The following SLC12A7 variants were observed in gnomAD, a reference collection of about 807,000 sequenced individuals.
SLC12A7 encodes the protein solute carrier family 12 member 7, also known as K-Cl cotransporter 4.
Under a neutral mutation model 120.6 loss-of-function variants are expected in SLC12A7, and 100 were observed. The observed-to-expected ratio is 0.83, with a 90% CI of 0.71 to 0.98. SLC12A7 has a LOEUF of 0.98. Among genes scored for constraint, SLC12A7 ranks in the 50% least tolerant of loss-of-function variants. The pLI is 0.00. For missense variants in SLC12A7, 1,373 were observed against 1,548.1 expected (o/e 0.89, Z 1.90); for synonymous variants, 760 against 678.0 (o/e 1.12, Z -1.88).
the SLC12A7 span, among the ~76,000 whole-genome samples, chr5:1,121,913 G>T: frequency 3.3e-5 from 5 of 152,082 alleles, no homozygotes; most frequent in Admixed American, 3.3e-4. Flanking sequence ...CATGAGAGGG[G>T]GCCCCTTCAT....
At chr5:1,102,424 T>C (rs1485455073) in intron 1 of SLC12A7, among the ~76,000 whole-genome samples, 1 of 152,092 alleles carries the variant, frequency 6.6e-6, no homozygotes, top group Non-Finnish European at 1.5e-5. Flanking sequence ...TCCCTCCCCC[T>C]CTTCCTCCCG....
At chr5:1,153,633 T>A in the SLC12A7 span, among the ~76,000 whole-genome samples, 1 of 152,174 alleles carries the variant, frequency 6.6e-6, no homozygotes, top group African/African-American at 2.4e-5. Flanking sequence ...CCACAAGCCG[T>A]GTTGTCAAAC....
At chr5:1,132,555 G>A in the SLC12A7 span, among the ~76,000 whole-genome samples, 1 of 151,740 alleles carries the variant, frequency 6.6e-6, no homozygotes, top group Admixed American at 6.6e-5. Context: ...TTTCTTTTTT[G>A]AACTAACACC....
intron 17 of SLC12A7, among the ~76,000 whole-genome samples, chr5:1,068,176 T>C (rs1015167480): frequency 4.6e-5 from 7 of 152,240 alleles, no homozygotes; most frequent in African/African-American, 1.7e-4. Context: ...GGCTCACACC[T>C]GTAATCCCAG....
intron 1 of SLC12A7, among the ~76,000 whole-genome samples, chr5:1,099,605 T>A (rs1741794870): frequency 6.6e-6 from 1 of 152,062 alleles, no homozygotes; most frequent in Admixed American, 6.5e-5. Flanking sequence ...CCCTCCCTCC[T>A]CCCGAAGACG....
At chr5:1,128,014 C>T in the SLC12A7 span, among the ~76,000 whole-genome samples, 1 of 152,192 alleles carries the variant, frequency 6.6e-6, no homozygotes, top group African/African-American at 2.4e-5. Context: ...GGGGTGGTGA[C>T]AGGCGCGTGA....
intron 1 of SLC12A7, among the ~76,000 whole-genome samples, chr5:1,105,930 G>T (rs2150907515): frequency 6.6e-6 from 1 of 152,284 alleles, no homozygotes; most frequent in East Asian, 1.9e-4. Context: ...GTGGGAGGGG[G>T]AGGTCTACCC....
At chr5:1,141,740 A>G in the SLC12A7 span, among the ~76,000 whole-genome samples, 4 of 152,228 alleles carry the variant, frequency 2.6e-5, no homozygotes, top group Non-Finnish European at 5.9e-5. Flanking sequence ...TGGCTGCTGC[A>G]TAGGACAGCG....
At chr5:1,141,211 AG>A in the SLC12A7 span, among the ~76,000 whole-genome samples, 1 of 152,026 alleles carries the variant, frequency 6.6e-6, no homozygotes, top group Admixed American at 6.5e-5. Flanking sequence ...CTGCTCTGTG[AG>A]TGTCTATTTC....
At chr5:1,138,230 G>T in the SLC12A7 span, among the ~76,000 whole-genome samples, 1 of 152,184 alleles carries the variant, frequency 6.6e-6, no homozygotes, top group South Asian at 2.1e-4. Context: ...TCATTGAAAT[G>T]AACCCCAGGG....
the SLC12A7 span, among the ~76,000 whole-genome samples, chr5:1,117,211 G>A: frequency 2.6e-5 from 4 of 152,120 alleles, no homozygotes; most frequent in Admixed American, 6.5e-5. This position sits in a 1 kb window ranked among gnomAD's most constrained non-coding sequence, Gnocchi z 4.5. Context: ...CTGCGGGGGT[G>A]GGGGTGCAGC....
chr5:1,057,413 C>A, intron 22 of SLC12A7, 58 bp downstream of exon 22: 2 of 1,524,606 alleles, frequency 1.3e-6, no homozygotes, highest in Non-Finnish European at 1.8e-6. Flanking sequence ...TCTGTCCTCA[C>A]TGCCGGGCCA....
intron 6 of SLC12A7, among the ~76,000 whole-genome samples, chr5:1,086,053 G>A (rs1004565347): frequency 6.6e-6 from 1 of 152,272 alleles, no homozygotes. Flanking sequence ...TGGAGGGCAT[G>A]GCACCCACCC....
intron 8 of SLC12A7, among the ~76,000 whole-genome samples, chr5:1,083,396 A>G (rs1739436058): frequency 1.3e-5 from 2 of 152,204 alleles, no homozygotes; most frequent in African/African-American, 2.4e-5. Context: ...CTCTCATCAG[A>G]GAAGGATACA....
intron 16 of SLC12A7, among the ~76,000 whole-genome samples, chr5:1,074,024 CCAGGTGGGACAGGCAGGGCCGATGGA>C (rs1561057015): frequency 6.6e-6 from 1 of 152,084 alleles, no homozygotes; most frequent in Non-Finnish European, 1.5e-5. Context: ...GCCACAGAAG[CCAGGTGGGACAGGCAGGGCCGATGGA>C]CAGGTGGGCA....
Position 1,079,474 on chromosome 5 carries a change from C to G in SLC12A7, c.1320G>C (p.Arg440=), listed in dbSNP as rs1354657120. The part of the protein sequence containing the change: ...SVTGIMAGSN[R]SGDLKDAQKS... ...TCTGTGCATCCTTGAGGTCCCCGGA[C>G]CGGTTTGAACCCGCCATGATACCTG... Residue 440 remains arginine (R), a synonymous_variant, in exon 10 of 24, where the codon CGG becomes CGC. Coordinates refer to ENST00000264930, the MANE Select transcript of SLC12A7 (RefSeq NM_006598.3). 4 of 1,612,568 alleles carry G rather than the reference C, an allele frequency of 2.5e-6. No homozygotes were observed. Among genetic ancestry groups the G allele is most frequent in the Non-Finnish European group, 3.4e-6 (4 of 1,179,866 alleles).
chr5:1,078,405 G>A (rs1346619879), intron 11 of SLC12A7: 3 of 562,190 alleles, frequency 5.3e-6, no homozygotes, highest in Admixed American at 3.1e-5. Context: ...GCAGGGCTGA[G>A]GGATCTCCCA....
intron 3 of SLC12A7, 126 bp downstream of exon 3, chr5:1,093,407 T>C: frequency 1.0e-6 from 1 of 961,992 alleles, no homozygotes; most frequent in Non-Finnish European, 1.5e-6. Context: ...AAGAAAGGGC[T>C]GGACGTGGCC....
At chr5:1,114,061 G>T (rs1347378433), upstream of SLC12A7, among the ~76,000 whole-genome samples, 5 of 152,248 alleles carry the variant, frequency 3.3e-5, no homozygotes, top group East Asian at 9.6e-4. Context: ...GGTTTGGAGG[G>T]TCTGTGGCCA....
Sources: gnomAD v4.1 joint callset for allele counts (sites outside exome capture counted in the v4.1 genomes callset) on GRCh38, gnomAD v4.1.1 for gene constraint, Gnocchi (gnomAD v3.1) non-coding constraint, MANE v1.5 for transcripts, NCBI Gene and HGNC (gene_info 2026-07-23, HGNC 2026-07-21) for gene names.